MGAT4C: variants seen among roughly 807,000 people sequenced by gnomAD.
The protein encoded by MGAT4C is MGAT4 family member C.
A neutral mutation model predicts 40.1 loss-of-function variants in MGAT4C; 19 were observed. That is an observed-to-expected ratio of 0.47 (90% confidence interval 0.33 to 0.70). The LOEUF (loss-of-function observed/expected upper bound fraction) is 0.70, where lower values mean the gene tolerates loss of function less well. Ranked by LOEUF, MGAT4C falls within the 30% of genes least tolerant of loss-of-function variation. MGAT4C has a pLI of 0.02. For synonymous variants in MGAT4C, 181 were observed against 187.1 expected (o/e 0.97, Z 0.27); for missense variants, 491 against 563.2 (o/e 0.87, Z 1.30).
In MGAT4C at chr12:86,072,335, G is replaced by GT. The variant is rs979272544; in HGVS notation, c.-56-22613dup. Among the ~76,000 whole-genome samples, 37 of 150,238 alleles carry GT rather than the reference G, an allele frequency of 2.5e-4. No homozygotes were observed. In the East Asian group the frequency reaches 3.3e-3, roughly 13 times the overall value. ...ATTTCCTAAATTTTTTTTGTTAGCT[G>GT]TTTTTTTTTCCCCAAAACACTTTAA... On this transcript the variant is annotated intron_variant, in intron 1 of 4. Transcript: ENST00000611864.
At chr12:86,053,877 T>C (rs766995881) in intron 1 of MGAT4C, among the ~76,000 whole-genome samples, 2 of 151,790 alleles carry the variant, frequency 1.3e-5, no homozygotes, top group African/African-American at 2.4e-5. Flanking sequence ...GAAATGCAAG[T>C]AAAATTCATG....
At chr12:86,396,023 G>A (rs1318656765) in intron 3 of MGAT4C, among the ~76,000 whole-genome samples, 1 of 152,064 alleles carries the variant, frequency 6.6e-6, no homozygotes, top group Non-Finnish European at 1.5e-5. Context: ...AAATATCAAT[G>A]AGTTGTGTTT....
chr12:86,587,069 G>A (rs1961079907), intron 2 of MGAT4C, among the ~76,000 whole-genome samples: 1 of 151,892 alleles, frequency 6.6e-6, no homozygotes, highest in African/African-American at 2.4e-5. Context: ...TTTCTTTTAG[G>A]GTTTTTATGG....
intron 2 of MGAT4C, among the ~76,000 whole-genome samples, chr12:86,715,404 G>A (rs1053634929): frequency 6.6e-6 from 1 of 152,016 alleles, no homozygotes; most frequent in Non-Finnish European, 1.5e-5. Flanking sequence ...TCTGGCTGTT[G>A]GTTATGCTCT....
At chr12:86,712,375 CAT>C (rs1950572388) in intron 2 of MGAT4C, among the ~76,000 whole-genome samples, 1 of 151,996 alleles carries the variant, frequency 6.6e-6, no homozygotes, top group African/African-American at 2.4e-5. Context: ...CCATGAATAA[CAT>C]AATCAATGAC....
chr12:86,818,128 G>A (rs1359485929), intron 1 of MGAT4C, among the ~76,000 whole-genome samples: 2 of 151,136 alleles, frequency 1.3e-5, no homozygotes, highest in African/African-American at 4.8e-5. Context: ...TTACACAGGG[G>A]AGAAATGTGC....
upstream of MGAT4C, among the ~76,000 whole-genome samples, chr12:86,259,532 A>G (rs1952612058): frequency 1.3e-5 from 2 of 151,770 alleles, no homozygotes; most frequent in South Asian, 4.1e-4. Flanking sequence ...TTTAATATAC[A>G]CATGTGGAAA....
chr12:86,028,053 A>AT (rs1890394852), intron 2 of MGAT4C: 1 of 1,093,526 alleles, frequency 9.1e-7, no homozygotes, highest in African/African-American at 1.6e-5. Flanking sequence ...TCAAGAAAGT[A>AT]TCAAACACAT....
At chr12:86,430,359 A>G (rs1337760727) in intron 3 of MGAT4C, among the ~76,000 whole-genome samples, 3 of 151,636 alleles carry the variant, frequency 2.0e-5, no homozygotes. Flanking sequence ...TTGTCTGCAC[A>G]TTTGAGGGAA....
At chr12:86,172,349 T>G (rs1886943845) in intron 1 of MGAT4C, among the ~76,000 whole-genome samples, 1 of 152,158 alleles carries the variant, frequency 6.6e-6, no homozygotes, top group Admixed American at 6.5e-5. Flanking sequence ...CTGAAAACAC[T>G]TGTTCAGTGT....
chr12:86,447,623 T>A (rs1957362363), intron 2 of MGAT4C, among the ~76,000 whole-genome samples: 1 of 152,202 alleles, frequency 6.6e-6, no homozygotes, highest in African/African-American at 2.4e-5. Flanking sequence ...TAAGAATTTA[T>A]TTAGCTTCTC....
At chr12:86,809,033 T>C (rs1952419833) in intron 1 of MGAT4C, among the ~76,000 whole-genome samples, 1 of 151,970 alleles carries the variant, frequency 6.6e-6, no homozygotes, top group Non-Finnish European at 1.5e-5. Flanking sequence ...CCATTCACAA[T>C]TGCTACAAAG....
chr12:86,431,321 A>C (rs1957034841), intron 3 of MGAT4C, among the ~76,000 whole-genome samples: 1 of 152,096 alleles, frequency 6.6e-6, no homozygotes, highest in African/African-American at 2.4e-5. Flanking sequence ...TGGTTTAGCC[A>C]TACCATTTTG....
chr12:86,809,640 T>C (rs1397288053), intron 1 of MGAT4C, among the ~76,000 whole-genome samples: 1 of 152,066 alleles, frequency 6.6e-6, no homozygotes, highest in Non-Finnish European at 1.5e-5. Flanking sequence ...TAATGTTGAA[T>C]AGCTTTTCAT....
chr12:86,699,580 A>G (rs767055648), intron 2 of MGAT4C, among the ~76,000 whole-genome samples: 1 of 152,022 alleles, frequency 6.6e-6, no homozygotes, highest in Non-Finnish European at 1.5e-5. Context: ...GGAGCTGTTA[A>G]CCCCAGTGCA....
chr12:86,652,858 C>T (rs931209343), intron 2 of MGAT4C, among the ~76,000 whole-genome samples: 2 of 151,626 alleles, frequency 1.3e-5, no homozygotes, highest in African/African-American at 4.8e-5. Context: ...TTTTTTATTC[C>T]TATTTCACTT....
At chr12:86,592,956 A>G (rs1961388729) in intron 2 of MGAT4C, among the ~76,000 whole-genome samples, 1 of 152,208 alleles carries the variant, frequency 6.6e-6, no homozygotes, top group Admixed American at 6.5e-5. Flanking sequence ...CAAAGTAATC[A>G]GTAGTATCAA....
intron 2 of MGAT4C, among the ~76,000 whole-genome samples, chr12:86,530,560 T>A (rs1958963694): frequency 6.6e-6 from 1 of 152,066 alleles, no homozygotes; most frequent in African/African-American, 2.4e-5. Context: ...TCATACCTTA[T>A]TTGTTGTACT....
intron 1 of MGAT4C, among the ~76,000 whole-genome samples, chr12:86,069,923 T>C (rs991852746): frequency 1.3e-5 from 2 of 152,212 alleles, no homozygotes; most frequent in Middle Eastern, 3.4e-3. Flanking sequence ...CAAAATTAAA[T>C]AATATATTCT....
Sources: allele counts gnomAD v4.1 joint callset (sites outside exome capture counted in the v4.1 genomes callset), GRCh38; gene constraint gnomAD v4.1.1; transcripts MANE v1.5; gene names NCBI Gene and HGNC (gene_info 2026-07-23, HGNC 2026-07-21).